NUDT6: variants seen among roughly 807,000 people sequenced by gnomAD.
NUDT6 encodes the protein FAD diphosphatase NUDT6.
A neutral mutation model predicts 36.8 loss-of-function variants in NUDT6; 24 were observed. The observed-to-expected ratio is 0.65, with a 90% CI of 0.47 to 0.92. NUDT6 has a LOEUF of 0.92. Ranked by LOEUF, NUDT6 falls within the 40% of genes least tolerant of loss-of-function variation. The probability of loss-of-function intolerance (pLI) is 0.00; values close to 1 mark genes in which losing one functional copy is unlikely to be tolerated. For missense variants in NUDT6, 388 were observed against 392.8 expected, an observed-to-expected ratio of 0.99 and a Z score of 0.10; for synonymous variants, 163 against 157.0, an observed-to-expected ratio of 1.04 and a Z score of -0.29.
chr4:122,922,372 G>T lies in NUDT6; in HGVS notation c.201C>A (p.Asp67Glu). 6.2e-7 allele frequency: 1 copy of T among 1,605,994 alleles called. No homozygotes were observed. The highest frequency in any genetic ancestry group is 1.1e-5 in the South Asian group (1 of 90,758). ...TCTGGAAGGCGGCAGCGTCCAGGCGGTCCAGCGCATCGAGCCGCGCCAGGC... is the reference window on the plus strand; with the variant it reads ...TCTGGAAGGCGGCAGCGTCCAGGCGTTCCAGCGCATCGAGCCGCGCCAGGC... ...SVRLARLDAL[D>E]RLDAAAFQKG... The change falls in exon 1 of 5, where the codon GAC becomes GAA. Residue 67 changes from aspartate to glutamate, a missense_variant. Asp to Glu is a conservative substitution (Grantham distance 45). Coordinates refer to ENST00000304430, the MANE Select transcript of NUDT6 (RefSeq NM_007083.5).
intron 3 of NUDT6, among the ~76,000 whole-genome samples, chr4:122,908,165 G>A (rs1278757017): frequency 3.9e-5 from 6 of 152,084 alleles, no homozygotes; most frequent in Middle Eastern, 3.5e-3. Flanking sequence ...TGGACACACC[G>A]CATTATACCC....
Position 122,892,748 on chromosome 4 carries a change from G to C in NUDT6, c.*80C>G. The C allele has an allele frequency of 7.4e-7, 1 of 1,359,760 alleles. No individual in the cohort carries two copies. Among genetic ancestry groups the C allele is most frequent in the Non-Finnish European group, 9.9e-7 (1 of 1,010,450 alleles). 84.2% of individuals were successfully genotyped at this position (1,359,760 alleles called of 1,614,324 possible). A position where few individuals can be genotyped will look rare whatever the true frequency, so the allele number is the denominator to read the frequency against. ...CATATACATTAGAAAATCACAGTCAGATGTTTAATCAATCCAAAATGTCCA... is the reference window on the plus strand; with the variant it reads ...CATATACATTAGAAAATCACAGTCACATGTTTAATCAATCCAAAATGTCCA... On this transcript the variant is annotated 3_prime_UTR_variant, in exon 5 of 5. Coordinates refer to ENST00000304430, the MANE Select transcript of NUDT6 (RefSeq NM_007083.5).
At chr4:122,903,686 C>T (rs2150803112) in intron 3 of NUDT6, among the ~76,000 whole-genome samples, 1 of 152,278 alleles carries the variant, frequency 6.6e-6, no homozygotes, top group South Asian at 2.1e-4. Flanking sequence ...GACTGCAAGG[C>T]TGGAGGAGGA....
chr4:122,900,633 T>C (rs1727502481), intron 3 of NUDT6, among the ~76,000 whole-genome samples: 2 of 151,914 alleles, frequency 1.3e-5, no homozygotes, highest in Admixed American at 6.6e-5. Flanking sequence ...TTTTAAGAAA[T>C]TGTAAAAGTC....
At position 122,892,773 on chromosome 4, in the gene NUDT6, A is replaced by G. The variant is rs931552904; in HGVS notation, c.*55T>C. 17 of 1,425,814 alleles carry G rather than the reference A, an allele frequency of 1.2e-5. No homozygotes were observed. In the African/African-American group the frequency reaches 2.3e-4, roughly 19 times the overall value. 88.3% of individuals were successfully genotyped at this position (1,425,814 alleles called of 1,614,324 possible). On this transcript the variant is annotated 3_prime_UTR_variant, in exon 5 of 5. Coordinates refer to ENST00000304430, the MANE Select transcript of NUDT6 (RefSeq NM_007083.5). The stretch of plus-strand genomic sequence containing the variant: ...GATGTTTAATCAATCCAAAATGTCC[A>G]CTATTTCTTATGTCATTCGTTAGTC...
chr4:122,916,307 T>C (rs1727839439), intron 2 of NUDT6, among the ~76,000 whole-genome samples: 1 of 152,216 alleles, frequency 6.6e-6, no homozygotes, highest in Admixed American at 6.5e-5. Context: ...TTCTCTCAAC[T>C]TTCCTATGTC....
intron 3 of NUDT6, among the ~76,000 whole-genome samples, chr4:122,905,233 CA>C (rs1727596716): frequency 2.0e-5 from 3 of 152,158 alleles, no homozygotes; most frequent in African/African-American, 7.2e-5. Flanking sequence ...CTGGGAAGTC[CA>C]GCTGGCTTCA....
chr4:122,896,067 C>T (rs3827582), intron 4 of NUDT6: 138,526 of 152,676 alleles, frequency 0.91, 63,096 homozygotes, highest in East Asian at 0.96. Flanking sequence ...CTTTAATTTA[C>T]ACTAAGCTTA....
intron 3 of NUDT6, among the ~76,000 whole-genome samples, chr4:122,907,984 T>C (rs1266664657): frequency 1.3e-5 from 2 of 152,284 alleles, no homozygotes; most frequent in South Asian, 2.1e-4. Context: ...TTTGGGAATA[T>C]CTCTCCAATT....
At chr4:122,897,430 A>T (rs1727396521) in intron 4 of NUDT6, 194 bp downstream of exon 4, 1 of 597,014 alleles carries the variant, frequency 1.7e-6, no homozygotes, top group Non-Finnish European at 3.0e-6. Context: ...TATTATTTCT[A>T]CTAATGGAAT....
intron 1 of NUDT6, chr4:122,922,077 A>C (rs1459818985): frequency 2.5e-6 from 1 of 394,238 alleles, no homozygotes; most frequent in East Asian, 3.7e-5. Context: ...AATGTCGCAC[A>C]GTAGAAAGTG....
In NUDT6 at chr4:122,893,407, A is replaced by G. The variant is rs1578485211; in HGVS notation, c.554-182T>C. ...AGAAATCCCAAAATATTTTCTTACC[A>G]CTGTAAATTCAAGAAGCTTTTGAAA... On this transcript the variant is annotated intron_variant, in intron 4 of 4. Coordinates refer to ENST00000304430, the MANE Select transcript of NUDT6 (RefSeq NM_007083.5). 1.2e-5 allele frequency: 6 copies of G among 514,302 alleles called. No homozygotes were observed. The East Asian group carries it at 1.6e-4, about 14-fold the overall frequency. 31.9% of individuals were successfully genotyped at this position (514,302 alleles called of 1,614,324 possible). A position where few individuals can be genotyped will look rare whatever the true frequency, so the allele number is the denominator to read the frequency against.
chr4:122,909,068 C>CT (rs200047655), intron 3 of NUDT6, among the ~76,000 whole-genome samples: 112 of 146,580 alleles, frequency 7.6e-4, no homozygotes, highest in Middle Eastern at 7.1e-3. Flanking sequence ...GCCATCCCAG[C>CT]TTTTTTTTTT....
At chr4:122,903,392 G>A (rs2150802989) in intron 3 of NUDT6, among the ~76,000 whole-genome samples, 1 of 152,276 alleles carries the variant, frequency 6.6e-6, no homozygotes, top group Admixed American at 6.5e-5. Context: ...TTGAAAATCA[G>A]CAGAGCCAGG....
At position 122,892,650 on chromosome 4, in the gene NUDT6, T is replaced by C. The variant is rs1050732403; in HGVS notation, c.*178A>G. 2 of 1,408,694 alleles carry C rather than the reference T, an allele frequency of 1.4e-6. No individual in the cohort carries two copies. The highest frequency in any genetic ancestry group is 1.6e-5 in the South Asian group (1 of 63,190). 87.3% of individuals were successfully genotyped at this position (1,408,694 alleles called of 1,614,324 possible). On this transcript the variant is annotated 3_prime_UTR_variant, in exon 5 of 5. Coordinates refer to ENST00000304430, the MANE Select transcript of NUDT6 (RefSeq NM_007083.5). The stretch of plus-strand genomic sequence containing the variant: ...AGCTTACCTAGAGCAATGATCTTTT[T>C]CACGCATTTGCTTTATTCGAAAAGA...
chr4:122,918,790 CCTT>C (rs2150810909), intron 1 of NUDT6: 1 of 152,264 alleles, frequency 6.6e-6, no homozygotes, highest in Non-Finnish European at 1.5e-5. Flanking sequence ...GGGATCAGGT[CCTT>C]CTCACCTTGC....
intron 2 of NUDT6, among the ~76,000 whole-genome samples, 164 bp downstream of exon 2, chr4:122,917,337 T>C (rs867795048): frequency 3.9e-5 from 6 of 152,176 alleles, no homozygotes; most frequent in South Asian, 4.1e-4. Context: ...AGGTGCCCAC[T>C]GGGGGTCTTG....
rs1475490875 is a variant in NUDT6 at position 122,912,726 on chromosome 4, T to TG, written c.443-104dup. ...TGGTGATAAAAATTCTACCCATACT[T>TG]GAAGCCTTGGTTCAAATACAGGTTG... is the stretch of plus-strand genomic sequence containing the variant. On this transcript the variant is annotated intron_variant, in intron 2 of 4. Transcript: ENST00000304430. 29 of 729,980 alleles carry TG rather than the reference T, an allele frequency of 4.0e-5. No individual in the cohort carries two copies. In the African/African-American group the frequency reaches 4.7e-4, roughly 12 times the overall value. The allele number at this position is 729,980 out of a possible 1,614,324, so 45.2% of individuals were successfully genotyped here.
chr4:122,899,044 A>AGTTTTTTTTTTTTTTTTTTTT (rs550689318), intron 3 of NUDT6, among the ~76,000 whole-genome samples: 2 of 69,428 alleles, frequency 2.9e-5, no homozygotes, highest in African/African-American at 9.1e-5. Context: ...ACCACACCTA[A>AGTTTTTTTTTTTTTTTTTTTT]TTTTTTTTTT....
Sources: allele counts gnomAD v4.1 joint callset (sites outside exome capture counted in the v4.1 genomes callset), GRCh38; gene constraint gnomAD v4.1.1; transcripts MANE v1.5; gene names NCBI Gene and HGNC (gene_info 2026-07-23, HGNC 2026-07-21).